IP6K3: variants seen among roughly 807,000 people sequenced by gnomAD.
The protein encoded by IP6K3 is inositol hexakisphosphate kinase 3, also known as ATP:1D-myo-inositol-hexakisphosphate phosphotransferase.
A neutral mutation model predicts 28.8 loss-of-function variants in IP6K3; 20 were observed. The observed-to-expected ratio is 0.70, with a 90% CI of 0.49 to 1.01. The LOEUF (loss-of-function observed/expected upper bound fraction) is 1.01, where lower values mean the gene tolerates loss of function less well. Among genes scored for constraint, IP6K3 ranks in the 50% least tolerant of loss-of-function variants. IP6K3 has a pLI of 0.00. For missense variants in IP6K3, 480 were observed against 537.1 expected, an observed-to-expected ratio of 0.89 and a Z score of 1.05; for synonymous variants, 213 against 221.3, an observed-to-expected ratio of 0.96 and a Z score of 0.33.
At chr6:33,748,651 A>AAG (rs1220118386), upstream of IP6K3, among the ~76,000 whole-genome samples, 972 of 130,810 alleles carry the variant, frequency 7.4e-3, 9 homozygotes, top group Non-Finnish European at 0.012. Flanking sequence ...CCAAAAAAAA[A>AAG]AAAAAAAAAA....
chr6:33,732,348 T>C (rs997498112), intron 2 of IP6K3, among the ~76,000 whole-genome samples: 1 of 152,190 alleles, frequency 6.6e-6, no homozygotes, highest in Non-Finnish European at 1.5e-5. Flanking sequence ...TGGTGGCCAC[T>C]TCAGAAATGG....
chr6:33,745,390 G>A, intron 1 of IP6K3, among the ~76,000 whole-genome samples: 1 of 152,172 alleles, frequency 6.6e-6, no homozygotes, highest in East Asian at 1.9e-4. Flanking sequence ...GCAGGGAAGT[G>A]GCCCAGGAGG....
At chr6:33,752,253 C>T in the IP6K3 span, among the ~76,000 whole-genome samples, 1 of 152,224 alleles carries the variant, frequency 6.6e-6, no homozygotes, top group Admixed American at 6.5e-5. Flanking sequence ...TTCACGGTGG[C>T]TGACATCAAG....
chr6:33,733,273 C>T (rs535468241), intron 2 of IP6K3, among the ~76,000 whole-genome samples: 1 of 152,366 alleles, frequency 6.6e-6, no homozygotes, highest in African/African-American at 2.4e-5. Context: ...ACTGAGTTAG[C>T]AGAGCCCCAA....
At chr6:33,734,917 C>G (rs533718806) in intron 2 of IP6K3, among the ~76,000 whole-genome samples, 19 of 152,304 alleles carry the variant, frequency 1.2e-4, no homozygotes, top group African/African-American at 4.6e-4. Flanking sequence ...AAGGAGGCCC[C>G]ATTTTGCCCT....
chr6:33,737,371 T>C (rs1441388370), intron 1 of IP6K3, among the ~76,000 whole-genome samples: 1 of 152,030 alleles, frequency 6.6e-6, no homozygotes, highest in Non-Finnish European at 1.5e-5. Context: ...ATTCCCACAG[T>C]GGTGCCTGTC....
chr6:33,747,418 GCTGACCAAGCA>G (rs1766945334), upstream of IP6K3, among the ~76,000 whole-genome samples: 1 of 152,192 alleles, frequency 6.6e-6, no homozygotes, highest in Admixed American at 6.5e-5. The surrounding 1 kb of genome is among the most constrained non-coding windows in gnomAD (Gnocchi z 5.2). Context: ...CCCTGCTAGG[GCTGACCAAGCA>G]CCCCCAGTGT....
chr6:33,748,769 C>T (rs1279962525), upstream of IP6K3, among the ~76,000 whole-genome samples: 12 of 151,326 alleles, frequency 7.9e-5, no homozygotes, highest in African/African-American at 2.2e-4. Flanking sequence ...TGTGGATGGA[C>T]GTGGGCCTCC....
In IP6K3 at chr6:33,722,890, T is replaced by C. The variant is rs145118535; in HGVS notation, c.1063A>G (p.Ser355Gly). The C allele has an allele frequency of 8.5e-4, 1,376 of 1,614,060 alleles. 12 individuals are homozygous for C. The African/African-American group carries it at 0.012, about 14-fold the overall frequency. ...ACCTTGGTGAGACCACCGGGAGAGC[T>C]ACCGTGGGCTGCCTGGGGAGCCTCG... ...PHEAPQAAHG[S>G]SPGGLTKVDI... Residue 355 changes from serine (S) to glycine (G), a missense_variant, in exon 6 of 6, where the codon AGC becomes GGC. By Grantham distance (56) the Ser-to-Gly change is moderately conservative. Coordinates refer to ENST00000293756, the MANE Select transcript of IP6K3 (RefSeq NM_054111.5).
chr6:33,732,891 C>T (rs1766368341), intron 2 of IP6K3, among the ~76,000 whole-genome samples: 4 of 152,250 alleles, frequency 2.6e-5, no homozygotes. Flanking sequence ...ACCTGTCCTC[C>T]TTCCCCTACC....
intron 2 of IP6K3, among the ~76,000 whole-genome samples, chr6:33,734,198 C>T (rs557399808): frequency 1.1e-4 from 8 of 74,546 alleles, no homozygotes; most frequent in South Asian, 1.2e-3. Context: ...ACCGAAACTC[C>T]GTCTCAAAAA....
the IP6K3 span, among the ~76,000 whole-genome samples, chr6:33,759,552 T>G: frequency 6.6e-6 from 1 of 152,120 alleles, no homozygotes; most frequent in East Asian, 1.9e-4. Flanking sequence ...TATAACAAAC[T>G]TATCTTTTTA....
chr6:33,740,675 G>A (rs1392932716), intron 1 of IP6K3, among the ~76,000 whole-genome samples: 3 of 152,316 alleles, frequency 2.0e-5, no homozygotes, highest in South Asian at 2.1e-4. Flanking sequence ...AAGCCGAGGC[G>A]GATAAGGGCA....
intron 2 of IP6K3, among the ~76,000 whole-genome samples, chr6:33,731,659 G>A (rs919744115): frequency 2.0e-5 from 3 of 151,874 alleles, no homozygotes; most frequent in South Asian, 2.1e-4. Context: ...CTCTGAAGTC[G>A]GGGACCCCAA....
intron 3 of IP6K3, 32 bp from the exon 4 acceptor site, chr6:33,726,938 G>A: frequency 6.4e-7 from 1 of 1,554,968 alleles, no homozygotes; most frequent in Non-Finnish European, 8.8e-7. Context: ...GACGGTCAGA[G>A]CAGAGGTCTG....
chr6:33,729,458 CT>C (rs1398237127), intron 2 of IP6K3, among the ~76,000 whole-genome samples: 1 of 152,206 alleles, frequency 6.6e-6, no homozygotes, highest in African/African-American at 2.4e-5. Context: ...CTCCCTTGCC[CT>C]CTAGTTTCCC....
chr6:33,760,374 G>A, the IP6K3 span, among the ~76,000 whole-genome samples: 1 of 152,176 alleles, frequency 6.6e-6, no homozygotes, highest in African/African-American at 2.4e-5. Context: ...TGCATATATA[G>A]TTTCTCATAT....
intron 1 of IP6K3, among the ~76,000 whole-genome samples, chr6:33,741,926 G>A (rs1473947043): frequency 6.6e-6 from 1 of 151,632 alleles, no homozygotes; most frequent in Non-Finnish European, 1.5e-5. Context: ...ACTCCAGCCT[G>A]GGCAACAACA....
At chr6:33,733,825 G>T (rs1766407566) in intron 2 of IP6K3, among the ~76,000 whole-genome samples, 1 of 152,240 alleles carries the variant, frequency 6.6e-6, no homozygotes, top group African/African-American at 2.4e-5. Context: ...TGGAATCCAG[G>T]CATGTGTGAA....
Sources: allele counts gnomAD v4.1 joint callset (sites outside exome capture counted in the v4.1 genomes callset), GRCh38; gene constraint gnomAD v4.1.1; non-coding constraint Gnocchi (gnomAD v3.1); transcripts MANE v1.5; gene names NCBI Gene and HGNC (gene_info 2026-07-23, HGNC 2026-07-21).